Variants in DCAF6 observed in about 807,000 individuals in gnomAD.
DCAF6 encodes the protein DDB1 and CUL4 associated factor 6, also known as DDB1- and CUL4-associated factor 6.
A neutral mutation model predicts 125.1 loss-of-function variants in DCAF6; 54 were observed. The observed-to-expected ratio is 0.43, with a 90% CI of 0.35 to 0.54. The LOEUF (loss-of-function observed/expected upper bound fraction) is 0.54, where lower values mean the gene tolerates loss of function less well. DCAF6 is among the 20% of genes least tolerant of loss of function. The probability of loss-of-function intolerance (pLI) is 0.01; values close to 1 mark genes in which losing one functional copy is unlikely to be tolerated. For synonymous variants in DCAF6, 371 were observed against 390.4 expected, an observed-to-expected ratio of 0.95 and a Z score of 0.58; for missense variants, 934 against 1,161.7, an observed-to-expected ratio of 0.80 and a Z score of 2.85.
intron 16 of DCAF6, among the ~76,000 whole-genome samples, chr1:168,047,232 G>A (rs1403106799): frequency 6.6e-6 from 1 of 151,862 alleles, no homozygotes. Context: ...TATGTTTTAG[G>A]GATTCTTTTA....
At chr1:168,018,389 G>A (rs780881523) in intron 11 of DCAF6, among the ~76,000 whole-genome samples, 37 of 152,236 alleles carry the variant, frequency 2.4e-4, no homozygotes, top group Middle Eastern at 3.4e-3. Context: ...ATTTTTGGTT[G>A]TTCACTCTTT....
the DCAF6 span, chr1:167,893,769 T>TA: frequency 1.3e-6 from 1 of 758,932 alleles, no homozygotes; most frequent in Non-Finnish European, 2.3e-6. Context: ...TAGTAGCTGC[T>TA]GTTTTTTTTT....
intron 5 of DCAF6, among the ~76,000 whole-genome samples, chr1:167,990,604 ATTC>A (rs1680688385): frequency 1.3e-5 from 2 of 152,166 alleles, no homozygotes; most frequent in African/African-American, 4.8e-5. Flanking sequence ...TTGAGAAATA[ATTC>A]AAATTGTATT....
At chr1:168,014,047 C>G (rs1416341379) in intron 10 of DCAF6, among the ~76,000 whole-genome samples, 1 of 152,108 alleles carries the variant, frequency 6.6e-6, no homozygotes, top group African/African-American at 2.4e-5. Context: ...CCTGCCTTCC[C>G]TTGATTCTTT....
At chr1:168,038,861 T>G (rs1238522731) in intron 13 of DCAF6, among the ~76,000 whole-genome samples, 1 of 152,118 alleles carries the variant, frequency 6.6e-6, no homozygotes, top group East Asian at 1.9e-4. Context: ...TAGGTAGGTG[T>G]ATATGTATGA....
intron 16 of DCAF6, among the ~76,000 whole-genome samples, chr1:168,049,629 T>C (rs1572095411): frequency 6.7e-6 from 1 of 149,622 alleles, no homozygotes; most frequent in Non-Finnish European, 1.5e-5. Flanking sequence ...GATCTCTGTT[T>C]AGATAATCTG....
rs139207525 is a variant in DCAF6, at chr1:167,979,652, C to T, written c.438+4637C>T. 3.4e-3 allele frequency among the ~76,000 whole-genome samples: 510 copies of T among 150,978 alleles called. 4 individuals carry two copies. The highest frequency in any genetic ancestry group is 0.022 in the South Asian group (103 of 4,774). On this transcript the variant is annotated intron_variant, in intron 4 of 21. Transcript: ENST00000367840. ...CTGTGATCCCAGCACTTTGGGAGGC[C>T]GAGGTGGGCAGATCACTTGAGGTTA... is the stretch of plus-strand genomic sequence containing the variant.
the DCAF6 span, chr1:167,899,589 T>C: frequency 1.2e-6 from 2 of 1,614,012 alleles, no homozygotes; most frequent in African/African-American, 2.7e-5. Flanking sequence ...GTGTGTTTCA[T>C]CTCCAAAGAC....
At chr1:167,996,450 G>A (rs1445340632) in intron 7 of DCAF6, among the ~76,000 whole-genome samples, 4 of 151,992 alleles carry the variant, frequency 2.6e-5, no homozygotes, top group African/African-American at 9.7e-5. Flanking sequence ...ACCCTGATCC[G>A]AGCTATCAGC....
At chr1:167,991,653 C>T (rs1335565216) in intron 6 of DCAF6, among the ~76,000 whole-genome samples, 2 of 152,104 alleles carry the variant, frequency 1.3e-5, no homozygotes, top group Non-Finnish European at 2.9e-5. Flanking sequence ...TGTCTGAAAT[C>T]AGGATGTCTT....
At chr1:167,880,561 C>G in the DCAF6 span, 1 of 1,614,134 alleles carries the variant, frequency 6.2e-7, no homozygotes, top group East Asian at 2.2e-5. Flanking sequence ...GTGAGCTCGT[C>G]AGGTACCTTT....
chr1:168,038,275 C>A, intron 12 of DCAF6, 96 bp from the exon 13 acceptor site: 1 of 872,966 alleles, frequency 1.1e-6, no homozygotes, highest in Non-Finnish European at 1.8e-6. Flanking sequence ...AGAATTATGA[C>A]AAGGACAACC....
intron 14 of DCAF6, among the ~76,000 whole-genome samples, 182 bp downstream of exon 14, chr1:168,043,322 T>A (rs1688783571): frequency 6.6e-6 from 1 of 152,146 alleles, no homozygotes; most frequent in Non-Finnish European, 1.5e-5. Context: ...GCAGTTAAAA[T>A]GAGGAGACAC....
At chr1:167,942,032 CG>C (rs1672319510) in intron 1 of DCAF6, among the ~76,000 whole-genome samples, 2 of 152,084 alleles carry the variant, frequency 1.3e-5, no homozygotes, top group Admixed American at 1.3e-4. Flanking sequence ...TCATGGTAGG[CG>C]TGTAGAAATA....
At chr1:168,036,457 T>C (rs1687818099) in intron 12 of DCAF6, among the ~76,000 whole-genome samples, 1 of 152,150 alleles carries the variant, frequency 6.6e-6, no homozygotes, top group Non-Finnish European at 1.5e-5. Context: ...TTATAAAATA[T>C]TAAGAGAGAA....
At chr1:168,073,784 A>G (rs191832940) in intron 21 of DCAF6, among the ~76,000 whole-genome samples, 2 of 151,886 alleles carry the variant, frequency 1.3e-5, no homozygotes, top group East Asian at 2.0e-4. Flanking sequence ...TAGAATAGCA[A>G]CTTCATGTTT....
At chr1:167,865,874 A>G in the DCAF6 span, among the ~76,000 whole-genome samples, 1 of 152,190 alleles carries the variant, frequency 6.6e-6, no homozygotes, top group African/African-American at 2.4e-5. Flanking sequence ...CGTGGGCTGC[A>G]TGGTAGCTCT....
At chr1:167,878,566 G>C in the DCAF6 span, 3 of 1,614,178 alleles carry the variant, frequency 1.9e-6, no homozygotes, top group African/African-American at 4.0e-5. Flanking sequence ...GTAGGTGACA[G>C]AGTCGCAGGT....
the DCAF6 span, among the ~76,000 whole-genome samples, chr1:167,896,431 A>C: frequency 6.6e-6 from 1 of 152,080 alleles, no homozygotes; most frequent in Admixed American, 6.5e-5. Flanking sequence ...TCATACTTAG[A>C]ATTGCTGTCC....
Sources: gnomAD v4.1 joint callset for allele counts (sites outside exome capture counted in the v4.1 genomes callset) on GRCh38, gnomAD v4.1.1 for gene constraint, MANE v1.5 for transcripts, NCBI Gene and HGNC (gene_info 2026-07-23, HGNC 2026-07-21) for gene names.